Variants in CARNMT1 observed in about 807,000 individuals in gnomAD.
The protein encoded by CARNMT1 is protein-L-histidine N-pros-methyltransferase CARNMT1.
Under a neutral mutation model 49.6 loss-of-function variants are expected in CARNMT1, and 28 were observed. The ratio of observed to expected loss-of-function variants is 0.56; its 90% confidence interval spans 0.42 to 0.77. CARNMT1 has a LOEUF of 0.77. Among genes scored for constraint, CARNMT1 ranks in the 30% least tolerant of loss-of-function variants. The probability of loss-of-function intolerance (pLI) is 0.00; values close to 1 mark genes in which losing one functional copy is unlikely to be tolerated. For synonymous variants in CARNMT1, 178 were observed against 175.0 expected (o/e 1.02, Z -0.13); for missense variants, 421 against 512.6 (o/e 0.82, Z 1.73).
chr9:75,002,070 C>T (rs893720026), intron 3 of CARNMT1, among the ~76,000 whole-genome samples: 1 of 152,118 alleles, frequency 6.6e-6, no homozygotes, highest in Non-Finnish European at 1.5e-5. Flanking sequence ...ACAATGTGAC[C>T]TCCCTAATAA....
intron 3 of CARNMT1, among the ~76,000 whole-genome samples, chr9:75,002,157 T>C (rs1196519139): frequency 6.6e-6 from 1 of 152,188 alleles, no homozygotes; most frequent in Non-Finnish European, 1.5e-5. Context: ...ACAGAGTCCA[T>C]GTGTCTAAAG....
chr9:75,016,368 G>A lies in CARNMT1; in HGVS notation c.490C>T (p.Gln164Ter). 6.2e-7 allele frequency: 1 copy of A among 1,613,988 alleles called. No homozygotes were observed. The highest frequency in any genetic ancestry group is 2.2e-5 in the East Asian group (1 of 44,864). Residue 164 changes from glutamine (Q) to a stop codon, truncating the protein, a stop_gained, in exon 3 of 8, where the codon CAG becomes TAG. Coordinates refer to ENST00000376834, the MANE Select transcript of CARNMT1 (RefSeq NM_152420.3). LOFTEE classifies it high-confidence loss of function. ...DMDKLKSTLK[Q>*]FVRDWSETGK... is the part of the protein sequence containing the mutation. Reference sequence around the variant, plus strand: ...GTTTCACTCCAGTCTCTCACAAACTGTTTCAGCGTGGATTTTAACTTATCC... The same window carrying A: ...GTTTCACTCCAGTCTCTCACAAACTATTTCAGCGTGGATTTTAACTTATCC...
chr9:75,007,560 C>T (rs868584927), intron 3 of CARNMT1, among the ~76,000 whole-genome samples: 1 of 151,736 alleles, frequency 6.6e-6, no homozygotes, highest in African/African-American at 2.4e-5. Context: ...GAAACCCCGT[C>T]TCTACTGAAA....
At position 75,027,594 on chromosome 9, in the gene CARNMT1, T is replaced by C. The variant is rs1822567861; in HGVS notation, c.230+418A>G. Reference sequence around the variant, plus strand: ...TACAGCATCCCACGCGTAGGTGAACTTGGGCTCTCCGTGTGTTCAGTTTGG... The same window carrying C: ...TACAGCATCCCACGCGTAGGTGAACCTGGGCTCTCCGTGTGTTCAGTTTGG... On this transcript the variant is annotated intron_variant, in intron 1 of 7. Transcript: ENST00000376834. 3 of 392,462 alleles carry C rather than the reference T, an allele frequency of 7.6e-6. No homozygotes were observed. In the South Asian group the frequency reaches 3.1e-4, roughly 41 times the overall value. The allele number at this position is 392,462 out of a possible 1,614,324, so 24.3% of individuals were successfully genotyped here. A position where few individuals can be genotyped will look rare whatever the true frequency, so the allele number is the denominator to read the frequency against.
rs747955904 is a variant in CARNMT1, at chr9:75,027,118, A to C, written c.230+894T>G. The C allele has an allele frequency of 6.9e-6, 9 of 1,304,140 alleles. No homozygotes were observed. In the East Asian group the frequency reaches 5.0e-4, roughly 72 times the overall value. 80.8% of individuals were successfully genotyped at this position (1,304,140 alleles called of 1,614,324 possible). The stretch of plus-strand genomic sequence containing the variant: ...TCAGAACATAGTCACCGGTGGACTC[A>C]TATCTCTTACGTGAATAAAAGTGTT... On this transcript the variant is annotated intron_variant, in intron 1 of 7. Coordinates refer to ENST00000376834, the MANE Select transcript of CARNMT1 (RefSeq NM_152420.3).
intron 1 of CARNMT1, among the ~76,000 whole-genome samples, chr9:75,025,502 A>C (rs1473853454): frequency 6.6e-6 from 1 of 152,128 alleles, no homozygotes; most frequent in Admixed American, 6.5e-5. Flanking sequence ...TGTTTGTGTA[A>C]GTTTTGATAA....
chr9:75,027,003 A>G (rs1822548179), intron 1 of CARNMT1: 2 of 1,041,472 alleles, frequency 1.9e-6, no homozygotes, highest in Non-Finnish European at 2.7e-6. Flanking sequence ...ACAATATAAA[A>G]AAACTTTGCA....
In CARNMT1 at chr9:74,989,456, C is replaced by T. The variant is rs182186554; in HGVS notation, c.1025-4446G>A. Among the ~76,000 whole-genome samples, 93 of 152,202 alleles carry T rather than the reference C, an allele frequency of 6.1e-4. 2 individuals are homozygous for T. In the South Asian group the frequency reaches 0.01, roughly 17 times the overall value. ...AACTTGCATATTTATGTTGTACAGC[C>T]TATTTCATTGCTGGGTAGTTTTCTC... On this transcript the variant is annotated intron_variant, in intron 6 of 7. Transcript: ENST00000376834.
chr9:75,004,508 A>G (rs1432580479), intron 3 of CARNMT1, among the ~76,000 whole-genome samples: 1 of 152,220 alleles, frequency 6.6e-6, no homozygotes, highest in Admixed American at 6.5e-5. Flanking sequence ...TATGAAACAC[A>G]TACCTGTCTT....
intron 6 of CARNMT1, among the ~76,000 whole-genome samples, chr9:74,994,156 A>C (rs1484472672): frequency 6.6e-6 from 1 of 152,198 alleles, no homozygotes; most frequent in Non-Finnish European, 1.5e-5. Flanking sequence ...ACAACCAAAG[A>C]AAGGCTATGT....
chr9:75,008,187 A>AC (rs1554757013), intron 3 of CARNMT1, among the ~76,000 whole-genome samples: 7 of 151,372 alleles, frequency 4.6e-5, no homozygotes, highest in African/African-American at 1.4e-4. Context: ...AAAAAAAAAA[A>AC]AAAAAAAAAC....
rs1321283798 is a variant in CARNMT1 at position 74,982,092 on chromosome 9, T to G, written c.*1675A>C. 4.0e-5 allele frequency: 6 copies of G among 151,518 alleles called. No homozygotes were observed. Among genetic ancestry groups the G allele is most frequent in the Admixed American group, 3.3e-4 (5 of 15,234 alleles). 9.4% of individuals were successfully genotyped at this position (151,518 alleles called of 1,614,324 possible). On this transcript the variant is annotated 3_prime_UTR_variant, in exon 8 of 8. Coordinates refer to ENST00000376834, the MANE Select transcript of CARNMT1 (RefSeq NM_152420.3). ...AGATTAACTACATGAAACCCTCTAT[T>G]GCATAGTGAGAGTAAAGGTCACAAA...
chr9:75,028,354 G>C (rs1822595336), upstream of CARNMT1: 1 of 1,303,416 alleles, frequency 7.7e-7, no homozygotes, highest in South Asian at 2.3e-5. Flanking sequence ...CCCCCAGCTC[G>C]CGGCGCGCTC....
In CARNMT1 at chr9:75,028,262, T is replaced by A. The variant is rs745503681; in HGVS notation, c.-21A>T. The A allele has an allele frequency of 7.4e-7, 1 of 1,359,894 alleles. No homozygotes were observed. Among genetic ancestry groups the A allele is most frequent in the East Asian group, 3.1e-5 (1 of 32,124 alleles). 84.2% of individuals were successfully genotyped at this position (1,359,894 alleles called of 1,614,324 possible). ...TGCATCGCCGCCGCGGCCCTCGGCC[T>A]GGCTCGCTTGCGTCTCTCCGCGACC... On this transcript the variant is annotated 5_prime_UTR_variant, in exon 1 of 8. Coordinates refer to ENST00000376834, the MANE Select transcript of CARNMT1 (RefSeq NM_152420.3).
At chr9:75,016,566 C>A in intron 2 of CARNMT1, 135 bp from the exon 3 acceptor site, 1 of 735,174 alleles carries the variant, frequency 1.4e-6, no homozygotes, top group East Asian at 2.6e-5. Flanking sequence ...AACTGGGGTT[C>A]AAGTGCAGCT....
At chr9:74,999,956 C>CATTT in intron 3 of CARNMT1, 86 bp from the exon 4 acceptor site, 2 of 1,251,642 alleles carry the variant, frequency 1.6e-6, no homozygotes, top group Non-Finnish European at 1.1e-6. Flanking sequence ...AAAACTTACT[C>CATTT]ATTTACTCAA....
chr9:74,981,244 T>C lies in CARNMT1; in HGVS notation c.*2523A>G, dbSNP rs944494411. ...TCCTTATATTGTACATGTTCCACCT[T>C]GCTCACTTGATTAGCATACCCTATA... On this transcript the variant is annotated 3_prime_UTR_variant, in exon 8 of 8. Transcript: ENST00000376834. 1 of 152,146 alleles carries C rather than the reference T, an allele frequency of 6.6e-6. No homozygotes were observed. Among genetic ancestry groups the C allele is most frequent in the Non-Finnish European group, 1.5e-5 (1 of 67,976 alleles). The allele number at this position is 152,146 out of a possible 1,614,324, so 9.4% of individuals were successfully genotyped here. A position where few individuals can be genotyped will look rare whatever the true frequency, so the allele number is the denominator to read the frequency against.
chr9:74,990,909 AT>A (rs71497369), intron 6 of CARNMT1, among the ~76,000 whole-genome samples: 8,362 of 152,300 alleles, frequency 0.055, 428 homozygotes, highest in East Asian at 0.26. Context: ...GTTTGACTGG[AT>A]AGTAAAAATG....
chr9:74,999,766 A>G lies in CARNMT1; in HGVS notation c.695T>C (p.Phe232Ser). The change falls in exon 4 of 8, where the codon TTT (phenylalanine) becomes TCT (serine). Residue 232 changes from phenylalanine (F) to serine (S), a missense_variant. Physicochemically the swap from Phe to Ser is radical, Grantham distance 155. Around this residue, in one of 2 missense-constraint regions of CARNMT1, gnomAD observed 235 missense variants for 344.8 expected, o/e 0.68. Transcript: ENST00000376834. The part of the protein sequence containing the change: ...GYACQGNEWS[F>S]FMLFSSNFVL... The stretch of plus-strand genomic sequence containing the variant: ...AAAGTTGGAAGAAAAGAGCATAAAA[A>G]AACTCCATTCATTTCCTTGACAAGC... The G allele has an allele frequency of 1.9e-6, 3 of 1,612,840 alleles. No individual in the cohort carries two copies. The highest frequency in any genetic ancestry group is 1.1e-5 in the South Asian group (1 of 90,848).
Sources: allele counts gnomAD v4.1 joint callset (sites outside exome capture counted in the v4.1 genomes callset), GRCh38; gene constraint gnomAD v4.1.1; regional missense constraint gnomAD v4.1.1; transcripts MANE v1.5; gene names NCBI Gene and HGNC (gene_info 2026-07-23, HGNC 2026-07-21).